The following MALRD1 variants were observed in gnomAD, a reference collection of about 807,000 sequenced individuals.
The protein encoded by MALRD1 is MAM and LDL receptor class A domain containing 1.
MALRD1 carries 247 observed loss-of-function variants against 242.1 expected under a neutral mutation model. That is an observed-to-expected ratio of 1.02 (90% CI 0.92 to 1.13). MALRD1 has a LOEUF of 1.13. Among genes scored for constraint, MALRD1 ranks in the 50% most tolerant of loss-of-function variants. The pLI, the probability that MALRD1 is intolerant of heterozygous loss-of-function variation, is 0.00. For missense variants in MALRD1, 2,989 were observed against 2,533.1 expected, an observed-to-expected ratio of 1.18 and a Z score of -3.86; for synonymous variants, 995 against 866.6, an observed-to-expected ratio of 1.15 and a Z score of -2.60.
chr10:19,199,171 GA>G (rs113163794), intron 14 of MALRD1, among the ~76,000 whole-genome samples: 2 of 151,382 alleles, frequency 1.3e-5, no homozygotes, highest in Non-Finnish European at 2.9e-5. Context: ...AAATCTAGAG[GA>G]AAAAAAAATC....
At chr10:19,620,022 TAATAATAATAA>T (rs1366407320) in intron 36 of MALRD1, among the ~76,000 whole-genome samples, 2 of 111,146 alleles carry the variant, frequency 1.8e-5, no homozygotes, top group Non-Finnish European at 4.3e-5. Context: ...TAATAATAAA[TAATAATAATAA>T]TATATTGTTT....
At chr10:19,370,313 G>A (rs965944548) in intron 26 of MALRD1, among the ~76,000 whole-genome samples, 4 of 152,026 alleles carry the variant, frequency 2.6e-5, no homozygotes, top group East Asian at 1.9e-4. Flanking sequence ...TAATCTGGGA[G>A]GATTGGTGTA....
At chr10:19,709,280 G>A (rs1053062992) in intron 38 of MALRD1, among the ~76,000 whole-genome samples, 34 of 148,478 alleles carry the variant, frequency 2.3e-4, no homozygotes, top group African/African-American at 7.7e-4. Context: ...ACAAAAATTA[G>A]CCAGGCATGG....
chr10:19,214,693 T>C (rs72786583), intron 18 of MALRD1, among the ~76,000 whole-genome samples: 19,782 of 152,232 alleles, frequency 0.13, 1,383 homozygotes, highest in Middle Eastern at 0.2. Flanking sequence ...ACAATGTCAA[T>C]GCAGTCTCTT....
rs747836840 is a variant in MALRD1 at position 19,209,705 on chromosome 10, T to A, written c.2991+25T>A. On this transcript the variant is annotated intron_variant, in intron 18 of 39. Transcript: ENST00000454679. ...GGTATGGATAATAGATTTTATAATG[T>A]ACATTTGAAATGCATCTGAATGTCT... is the stretch of plus-strand genomic sequence containing the variant. 1.7e-5 allele frequency: 25 copies of A among 1,498,872 alleles called. No individual in the cohort carries two copies. The African/African-American group carries it at 2.7e-4, about 16-fold the overall frequency. The allele number at this position is 1,498,872 out of a possible 1,614,324, so 92.8% of individuals were successfully genotyped here. A position where few individuals can be genotyped will look rare whatever the true frequency, so the allele number is the denominator to read the frequency against.
chr10:19,129,216 G>A (rs550161345), intron 8 of MALRD1, among the ~76,000 whole-genome samples: 2 of 152,096 alleles, frequency 1.3e-5, no homozygotes, highest in South Asian at 2.1e-4. Context: ...TTCCTATTGT[G>A]CCTCTTACCT....
chr10:19,651,612 G>A (rs1019052834), intron 36 of MALRD1, among the ~76,000 whole-genome samples: 3 of 152,152 alleles, frequency 2.0e-5, no homozygotes, highest in African/African-American at 7.2e-5. Flanking sequence ...CCTGGGATCA[G>A]ATGTGGATAA....
intron 2 of MALRD1, among the ~76,000 whole-genome samples, chr10:19,080,621 G>A (rs1333441578): frequency 6.6e-6 from 1 of 151,932 alleles, no homozygotes; most frequent in Non-Finnish European, 1.5e-5. Context: ...ATTAATTCAA[G>A]ATGGACTAAA....
chr10:19,206,431 A>G lies in MALRD1; in HGVS notation c.2578+1166A>G, dbSNP rs1392566916. ...GTGTAACTTTTCCTAAGGCCAATTC[A>G]TTTTTGCAAATTTCGAAAGCCTTTT... On this transcript the variant is annotated intron_variant, in intron 17 of 39. Coordinates refer to ENST00000454679, the MANE Select transcript of MALRD1 (RefSeq NM_001142308.3). 2.6e-5 allele frequency among the ~76,000 whole-genome samples: 4 copies of G among 152,130 alleles called. No homozygotes were observed. The East Asian group carries it at 7.7e-4, about 29-fold the overall frequency.
At chr10:19,725,831 C>T (rs1031606654) in intron 38 of MALRD1, among the ~76,000 whole-genome samples, 1 of 152,152 alleles carries the variant, frequency 6.6e-6, no homozygotes, top group African/African-American at 2.4e-5. Context: ...AATGCCAAGT[C>T]CATCCAATGG....
At chr10:19,416,931 A>G (rs1833534154) in intron 28 of MALRD1, among the ~76,000 whole-genome samples, 2 of 152,304 alleles carry the variant, frequency 1.3e-5, no homozygotes, top group South Asian at 4.1e-4. Flanking sequence ...TGGGAAGGTC[A>G]TCAGTTTCAT....
chr10:19,482,688 CACAT>C (rs1405814793), intron 29 of MALRD1, among the ~76,000 whole-genome samples: 285 of 149,608 alleles, frequency 1.9e-3, no homozygotes, highest in African/African-American at 6.3e-3. Context: ...CACACACACA[CACAT>C]ACACACAAAG....
rs746768750 is a variant in MALRD1 at position 19,088,088 on chromosome 10, G to A, written c.500G>A (p.Cys167Tyr). 18 of 1,233,456 alleles carry A rather than the reference G, an allele frequency of 1.5e-5. No homozygotes were observed. The highest frequency in any genetic ancestry group is 1.8e-5 in the Non-Finnish European group (18 of 987,920). 76.4% of individuals were successfully genotyped at this position (1,233,456 alleles called of 1,614,324 possible). ...GKLMVGLQTA[C>Y]GGPIQHLWQN... ...TTAATGGTTGGGCTTCAAACTGCAT[G>A]TGGAGGTCCTATTCAGCATTTATGG... Residue 167 changes from cysteine to tyrosine, a missense_variant, in exon 4 of 40, where the codon TGT (cysteine) becomes TAT (tyrosine). Transcript: ENST00000454679.
chr10:19,175,237 A>G lies in MALRD1; in HGVS notation c.1860A>G (p.Ser620=), dbSNP rs1835179972. 8.1e-7 allele frequency: 1 copy of G among 1,230,270 alleles called. No homozygotes were observed. Among genetic ancestry groups the G allele is most frequent in the South Asian group, 4.1e-5 (1 of 24,308 alleles). The allele number at this position is 1,230,270 out of a possible 1,614,324, so 76.2% of individuals were successfully genotyped here. A position where few individuals can be genotyped will look rare whatever the true frequency, so the allele number is the denominator to read the frequency against. Reference sequence around the variant, plus strand: ...TTTTGGAAGCTACTGTTTTGTCGTCAAATGCTACCGTTGCTCTAGATGACA... The same window carrying G: ...TTTTGGAAGCTACTGTTTTGTCGTCGAATGCTACCGTTGCTCTAGATGACA... ...QLILEATVLS[S]NATVALDDIS... The change falls in exon 14 of 40, where the codon TCA becomes TCG. Residue 620 remains serine, a synonymous_variant. Transcript: ENST00000454679.
At chr10:19,179,195 A>C (rs1469115689) in intron 14 of MALRD1, among the ~76,000 whole-genome samples, 2 of 152,198 alleles carry the variant, frequency 1.3e-5, no homozygotes, top group Non-Finnish European at 2.9e-5. Context: ...ATCAAAGAGT[A>C]AAATTGTGGT....
intron 4 of MALRD1, among the ~76,000 whole-genome samples, chr10:19,090,513 A>C (rs1588528784): frequency 1.7e-5 from 1 of 60,004 alleles, no homozygotes; most frequent in Admixed American, 2.2e-4. Flanking sequence ...TTTTCTAGAT[A>C]AACAATCATG....
At chr10:19,409,499 C>A (rs1234389057) in intron 28 of MALRD1, among the ~76,000 whole-genome samples, 2 of 151,816 alleles carry the variant, frequency 1.3e-5, no homozygotes, top group Admixed American at 6.6e-5. Context: ...TTAGGGATTG[C>A]AAAAAGTTAA....
chr10:19,141,766 T>C (rs1288606327), intron 10 of MALRD1, among the ~76,000 whole-genome samples: 4 of 152,156 alleles, frequency 2.6e-5, no homozygotes. Context: ...ATGAATTGTG[T>C]ACCTTCACAG....
At chr10:19,352,361 A>G in intron 26 of MALRD1, 64 bp downstream of exon 26, 2 of 1,428,596 alleles carry the variant, frequency 1.4e-6, no homozygotes, top group Non-Finnish European at 1.9e-6. Flanking sequence ...AGGAAGAAAG[A>G]AAATGCAAAA....
Sources: gnomAD v4.1 joint callset for allele counts (sites outside exome capture counted in the v4.1 genomes callset) on GRCh38, gnomAD v4.1.1 for gene constraint, MANE v1.5 for transcripts, NCBI Gene and HGNC (gene_info 2026-07-23, HGNC 2026-07-21) for gene names.